The following ETV3 variants were observed in gnomAD, a reference collection of about 807,000 sequenced individuals.
ETV3 encodes ETS translocation variant 3.
ETV3 carries 8 observed loss-of-function variants against 33.0 expected under a neutral mutation model. That is an observed-to-expected ratio of 0.24 (90% CI 0.14 to 0.44). The LOEUF (loss-of-function observed/expected upper bound fraction) is 0.44. Among genes scored for constraint, ETV3 ranks in the 20% least tolerant of loss-of-function variants. The pLI, the probability that ETV3 is intolerant of heterozygous loss-of-function variation, is 1.00. For missense variants in ETV3, 473 were observed against 652.3 expected, an observed-to-expected ratio of 0.73 and a Z score of 2.99; for synonymous variants, 222 against 238.9, an observed-to-expected ratio of 0.93 and a Z score of 0.65.
intron 2 of ETV3, among the ~76,000 whole-genome samples, chr1:157,135,927 G>C (rs1228440010): frequency 6.6e-6 from 1 of 152,180 alleles, no homozygotes; most frequent in Non-Finnish European, 1.5e-5. Context: ...TTGGGCAGCA[G>C]CAACCAGATG....
chr1:157,130,620 A>G (rs1215603125), intron 4 of ETV3, among the ~76,000 whole-genome samples: 1 of 152,122 alleles, frequency 6.6e-6, no homozygotes, highest in Non-Finnish European at 1.5e-5. Context: ...TCTTGGTCCT[A>G]CCACTTACTA....
chr1:157,125,718 C>A lies in ETV3; in HGVS notation c.662G>T (p.Gly221Val). The stretch of plus-strand genomic sequence containing the variant: ...TATGTCAGGCTTGCGTTTCTGATGG[C>A]CAATCCCTCCTCCACCAATGGCATT... Reference protein sequence around the residue: ...SRNAIGGGGIGHQKRKPDIML... With the variant: ...SRNAIGGGGIVHQKRKPDIML... The change falls in exon 5 of 5, where the codon GGC (glycine) becomes GTC (valine). Residue 221 changes from glycine (G) to valine (V), a missense_variant. Around this residue, in one of 3 missense-constraint regions of ETV3, gnomAD observed 410 missense variants for 520.2 expected, o/e 0.79. Transcript: ENST00000368192. The surrounding 1 kb of genome is among the most constrained non-coding windows in gnomAD (Gnocchi z 4.0). 1.3e-6 allele frequency: 2 copies of A among 1,551,634 alleles called. No individual in the cohort carries two copies. The highest frequency in any genetic ancestry group is 2.4e-5 in the South Asian group (2 of 84,050).
intron 1 of ETV3, among the ~76,000 whole-genome samples, chr1:157,137,776 C>A (rs1300234015): frequency 2.0e-5 from 3 of 152,130 alleles, no homozygotes; most frequent in African/African-American, 7.2e-5. Context: ...GCAACGATAA[C>A]CTGACAAGGA....
At position 157,124,905 on chromosome 1, in the gene ETV3, C is replaced by G. The variant is rs772542929; in HGVS notation, c.1475G>C (p.Ser492Thr). 10 of 1,551,536 alleles carry G rather than the reference C, an allele frequency of 6.4e-6. No individual in the cohort carries two copies. In the South Asian group the frequency reaches 9.5e-5, roughly 15 times the overall value. ...TGACCCATTCCAGAGAAACTTGCCA[C>G]TCTTGCTCAGCTCTCGGGCTTCAGG... ...DDPEARELSK[S>T]GKFLWNGSGP... The change falls in exon 5 of 5, where the codon AGT becomes ACT. Residue 492 changes from serine to threonine, a missense_variant. Around this residue, in one of 3 missense-constraint regions of ETV3, gnomAD observed 410 missense variants for 520.2 expected, o/e 0.79. Coordinates refer to ENST00000368192, the MANE Select transcript of ETV3 (RefSeq NM_001145312.3).
intron 3 of ETV3, 92 bp downstream of exon 3, chr1:157,135,379 T>C: frequency 1.4e-6 from 2 of 1,463,554 alleles, no homozygotes; most frequent in Non-Finnish European, 1.9e-6. Flanking sequence ...GTGTAGTCTT[T>C]TATTACCTGA....
At position 157,125,413 on chromosome 1, in the gene ETV3, G is replaced by A; in HGVS notation, c.967C>T (p.Pro323Ser). The A allele has an allele frequency of 1.3e-6, 2 of 1,552,186 alleles. No homozygotes were observed. Among genetic ancestry groups the A allele is most frequent in the Non-Finnish European group, 1.7e-6 (2 of 1,147,110 alleles). ...TGCAGTGGTGGAACCATGAGCCCTG[G>A]GTAACGGGGAAAAGTCCGAGGACTC... ...HLSPRTFPRY[P>S]GLMVPPLQCQ... Residue 323 changes from proline (P) to serine (S), a missense_variant, in exon 5 of 5, where the codon CCA (proline) becomes TCA (serine). Coordinates refer to ENST00000368192, the MANE Select transcript of ETV3 (RefSeq NM_001145312.3). This position sits in a 1 kb window ranked among gnomAD's most constrained non-coding sequence, Gnocchi z 4.0.
intron 4 of ETV3, among the ~76,000 whole-genome samples, chr1:157,132,544 G>A (rs1674991997): frequency 6.6e-6 from 1 of 152,138 alleles, no homozygotes; most frequent in African/African-American, 2.4e-5. Flanking sequence ...GGGTGAAGGG[G>A]TATGAAAACC....
At position 157,135,584 on chromosome 1, in the gene ETV3, C is replaced by T. The variant is rs769638745; in HGVS notation, c.171G>A (p.Gln57=). 2 of 1,614,118 alleles carry T rather than the reference C, an allele frequency of 1.2e-6. No individual in the cohort carries two copies. Among genetic ancestry groups the T allele is most frequent in the Non-Finnish European group, 1.7e-6 (2 of 1,179,988 alleles). The change falls in exon 3 of 5, where the codon CAG becomes CAA. Residue 57 remains glutamine (Q), a synonymous_variant. Transcript: ENST00000368192. Reference sequence around the variant, plus strand: ...TGACAAATTCCCCGTACTCTCCCTGCTGCCAGGCGATGACATGGCGGAACT... The same window carrying T: ...TGACAAATTCCCCGTACTCTCCCTGTTGCCAGGCGATGACATGGCGGAACT... ...KEEFRHVIAW[Q]QGEYGEFVIK...
chr1:157,133,279 G>C (rs1436389647), intron 4 of ETV3: 1 of 429,168 alleles, frequency 2.3e-6, no homozygotes, highest in Non-Finnish European at 3.1e-6. Context: ...GGGGTTAAGG[G>C]AAGAAAAAAC....
chr1:157,135,859 G>C (rs754811103), intron 2 of ETV3, 151 bp from the exon 3 acceptor site: 2 of 756,658 alleles, frequency 2.6e-6, no homozygotes, highest in African/African-American at 3.5e-5. Context: ...CCACAATGGG[G>C]AGAGGAAAGC....
intron 3 of ETV3, 77 bp from the exon 4 acceptor site, chr1:157,134,304 C>G: frequency 1.3e-6 from 2 of 1,535,986 alleles, no homozygotes; most frequent in Admixed American, 2.1e-5. Context: ...GCCACTGAGA[C>G]CAACAATTCT....
At position 157,122,554 on chromosome 1, in the gene ETV3, G is replaced by C. The variant is rs1279495780; in HGVS notation, c.*2287C>G. 2 of 152,050 alleles carry C rather than the reference G, an allele frequency of 1.3e-5. No homozygotes were observed. Among genetic ancestry groups the C allele is most frequent in the African/African-American group, 4.8e-5 (2 of 41,388 alleles). 9.4% of individuals were successfully genotyped at this position (152,050 alleles called of 1,614,324 possible). A position where few individuals can be genotyped will look rare whatever the true frequency, so the allele number is the denominator to read the frequency against. ...GCAGCATCTAGGAATTCTGGCACTT[G>C]GGTTCTAGGGGGTTACAGGTATGCA... On this transcript the variant is annotated 3_prime_UTR_variant, in exon 5 of 5. Coordinates refer to ENST00000368192, the MANE Select transcript of ETV3 (RefSeq NM_001145312.3).
chr1:157,131,666 G>A (rs2103203835), intron 4 of ETV3, among the ~76,000 whole-genome samples: 1 of 152,284 alleles, frequency 6.6e-6, no homozygotes, highest in Non-Finnish European at 1.5e-5. Context: ...TAACTTTGCT[G>A]TCGTTTTCCT....
chr1:157,135,174 C>T, intron 3 of ETV3: 1 of 494,306 alleles, frequency 2.0e-6, no homozygotes, highest in East Asian at 3.3e-5. Flanking sequence ...AAATGAACTC[C>T]AATCCATGTT....
In ETV3 at chr1:157,125,342, C is replaced by T; in HGVS notation, c.1038G>A (p.Leu346=). 1 of 1,551,952 alleles carries T rather than the reference C, an allele frequency of 6.4e-7. No homozygotes were observed. Among genetic ancestry groups the T allele is most frequent in the East Asian group, 2.4e-5 (1 of 40,918 alleles). ...TCTTCCGCCCAACTGGTGGGGGCTG[C>T]AGCTTGATGGAGAACTGAGTTGACT... ...PEESTQFSIK[L]QPPPVGRKNR... is the part of the protein sequence containing the mutation. Residue 346 remains leucine, a synonymous_variant, in exon 5 of 5, where the codon CTG becomes CTA. Coordinates refer to ENST00000368192, the MANE Select transcript of ETV3 (RefSeq NM_001145312.3). The surrounding 1 kb of genome is among the most constrained non-coding windows in gnomAD (Gnocchi z 4.0).
At chr1:157,137,078 G>C (rs894529840) in intron 1 of ETV3, among the ~76,000 whole-genome samples, 2 of 152,190 alleles carry the variant, frequency 1.3e-5, no homozygotes, top group Non-Finnish European at 2.9e-5. Context: ...CATTTCTGAA[G>C]CCCTTCTGGC....
chr1:157,126,234 C>T (rs1674832181), intron 4 of ETV3, among the ~76,000 whole-genome samples: 1 of 152,298 alleles, frequency 6.6e-6, no homozygotes, highest in African/African-American at 2.4e-5. Flanking sequence ...TATCCATATT[C>T]TACAACCTAA....
At chr1:157,127,345 C>T (rs1340014962) in intron 4 of ETV3, among the ~76,000 whole-genome samples, 1 of 152,230 alleles carries the variant, frequency 6.6e-6, no homozygotes, top group African/African-American at 2.4e-5. Flanking sequence ...CACTGCTTCA[C>T]AGAGATTCAA....
rs151084875 is a variant in ETV3, at chr1:157,130,154, T to G, written c.400+3958A>C. 7.2e-3 allele frequency among the ~76,000 whole-genome samples: 1,097 copies of G among 152,266 alleles called. 7 individuals carry two copies. Among genetic ancestry groups the G allele is most frequent in the Non-Finnish European group, 0.01 (692 of 68,010 alleles). The stretch of plus-strand genomic sequence containing the variant: ...ACTGTGCCGGCCCAAAATCTAGTTT[T>G]TTATTAAAAAAGAAAAATAAACTGG... On this transcript the variant is annotated intron_variant, in intron 4 of 4. Coordinates refer to ENST00000368192, the MANE Select transcript of ETV3 (RefSeq NM_001145312.3).
Sources: allele counts gnomAD v4.1 joint callset (sites outside exome capture counted in the v4.1 genomes callset), GRCh38; gene constraint gnomAD v4.1.1; regional missense constraint gnomAD v4.1.1; non-coding constraint Gnocchi (gnomAD v3.1); transcripts MANE v1.5; gene names NCBI Gene and HGNC (gene_info 2026-07-23, HGNC 2026-07-21).